The following ATG7 variants were observed in gnomAD, a reference collection of about 807,000 sequenced individuals.
ATG7 encodes autophagy related 7.
In ATG7, 70 loss-of-function variants were observed where a neutral mutation model predicts 82.4. The ratio of observed to expected loss-of-function variants is 0.85; its 90% confidence interval spans 0.70 to 1.04. The LOEUF (loss-of-function observed/expected upper bound fraction) is 1.04. Among genes scored for constraint, ATG7 ranks in the 50% least tolerant of loss-of-function variants. ATG7 has a pLI of 0.00. For missense variants in ATG7, 792 were observed against 864.3 expected, an observed-to-expected ratio of 0.92 and a Z score of 1.05; for synonymous variants, 287 against 313.0, an observed-to-expected ratio of 0.92 and a Z score of 0.88.
In ATG7 at chr3:11,333,105, G is replaced by A; in HGVS notation, c.889+12G>A. 6.5e-7 allele frequency: 1 copy of A among 1,542,958 alleles called. No individual in the cohort carries two copies. The highest frequency in any genetic ancestry group is 1.4e-5 in the African/African-American group (1 of 71,000). The stretch of plus-strand genomic sequence containing the variant: ...GGCATTTAGCCCAGGTAATTTGCCG[G>A]TCTTTGAAAATGCATATAATTATCA... On this transcript the variant is annotated intron_variant, in intron 11 of 20. Coordinates refer to ENST00000693202, the MANE Select transcript of ATG7 (RefSeq NM_001349232.2).
downstream of ATG7, among the ~76,000 whole-genome samples, chr3:11,559,819 A>G (rs2072807640): frequency 6.6e-6 from 1 of 152,182 alleles, no homozygotes; most frequent in Non-Finnish European, 1.5e-5. Flanking sequence ...TAACGTCCCC[A>G]GAGCCCTTCC....
chr3:11,378,027 A>ATTTTTTTTTTTTTTTTTTTTTTTTT lies in ATG7; in HGVS notation c.1876-1927_1876-1926insTTTTTTTTTTTTTTTTTTTTTTTTT, dbSNP rs61176051. On this transcript the variant is annotated intron_variant, in intron 18 of 20. Transcript: ENST00000693202. Reference sequence around the variant, plus strand: ...GCTATCTAACTTATACCAGTTACCAATTTTTTTTTTTTTTTTTTGAGATGG... The same window carrying ATTTTTTTTTTTTTTTTTTTTTTTTT: ...GCTATCTAACTTATACCAGTTACCAATTTTTTTTTTTTTTTTTTTTTTTTTTTTTTTTTTTTTTTTTTTGAGATGG... Among the ~76,000 whole-genome samples, 63 of 92,722 alleles carry ATTTTTTTTTTTTTTTTTTTTTTTTT rather than the reference A, an allele frequency of 6.8e-4. 10 individuals are homozygous for ATTTTTTTTTTTTTTTTTTTTTTTTT. The highest frequency in any genetic ancestry group is 5.9e-3 in the Middle Eastern group (1 of 170). 60.8% of individuals were successfully genotyped at this position (92,722 alleles called of 152,430 possible).
chr3:11,519,546 T>G (rs868396661), intron 20 of ATG7, among the ~76,000 whole-genome samples: 16 of 61,676 alleles, frequency 2.6e-4, no homozygotes, highest in East Asian at 1.6e-3. Context: ...GGAGTTTTTT[T>G]TTTTTTTTTT....
chr3:11,424,312 AATAAC>A (rs1286386867), intron 19 of ATG7, among the ~76,000 whole-genome samples: 3 of 152,120 alleles, frequency 2.0e-5, no homozygotes, highest in African/African-American at 7.2e-5. Context: ...ATAAATGTTA[AATAAC>A]ATTTGGTTTT....
At chr3:11,485,679 A>C (rs570037996) in intron 20 of ATG7, among the ~76,000 whole-genome samples, 2 of 152,288 alleles carry the variant, frequency 1.3e-5, no homozygotes, top group South Asian at 2.1e-4. Context: ...TTTTAGGTCT[A>C]ACATTTAAGT....
chr3:11,546,909 G>A (rs540524622), intron 20 of ATG7, among the ~76,000 whole-genome samples: 16 of 152,362 alleles, frequency 1.1e-4, no homozygotes, highest in African/African-American at 3.8e-4. Flanking sequence ...ACAGGCTGAT[G>A]CCATCCTCTC....
chr3:11,518,019 T>C (rs891582261), intron 20 of ATG7, among the ~76,000 whole-genome samples: 6 of 152,078 alleles, frequency 3.9e-5, no homozygotes, highest in African/African-American at 1.4e-4. Context: ...GACAATTGAA[T>C]CGATGTTGAA....
chr3:11,296,440 G>A (rs1014070529), intron 3 of ATG7, among the ~76,000 whole-genome samples: 1 of 151,954 alleles, frequency 6.6e-6, no homozygotes, highest in Non-Finnish European at 1.5e-5. Flanking sequence ...CAGCCCCAAC[G>A]AGGGTCCCCT....
chr3:11,315,556 A>G (rs1949282483), intron 9 of ATG7, 63 bp downstream of exon 9: 1 of 1,361,720 alleles, frequency 7.3e-7, no homozygotes, highest in Non-Finnish European at 9.8e-7. Context: ...AGTTCATGTT[A>G]CAAGAGACCA....
intron 20 of ATG7, among the ~76,000 whole-genome samples, chr3:11,448,247 C>G (rs2084768517): frequency 6.6e-6 from 1 of 152,214 alleles, no homozygotes; most frequent in African/African-American, 2.4e-5. Context: ...AGCACAGTGC[C>G]TCCTCCTTTC....
chr3:11,307,754 T>A (rs1947985484), intron 6 of ATG7, among the ~76,000 whole-genome samples: 1 of 152,234 alleles, frequency 6.6e-6, no homozygotes, highest in South Asian at 2.1e-4. Context: ...TTTATCCCAA[T>A]CCTGTCTAAC....
rs1277541668 is a variant in ATG7 at position 11,358,456 on chromosome 3, G to C, written c.1323G>C (p.Gly441=). 1.2e-6 allele frequency: 2 copies of C among 1,613,790 alleles called. No homozygotes were observed. Among genetic ancestry groups the C allele is most frequent in the Non-Finnish European group, 1.7e-6 (2 of 1,179,936 alleles). Residue 441 remains glycine, a synonymous_variant, in exon 15 of 21, where the codon GGG becomes GGC. Transcript: ENST00000693202. ...RGFNMSIPMP[G]HPVNFSSVTL... Reference sequence around the variant, plus strand: ...TCAACATGAGCATACCTATGCCTGGGCATCCAGTGAACTTCTCCAGTGTCA... The same window carrying C: ...TCAACATGAGCATACCTATGCCTGGCCATCCAGTGAACTTCTCCAGTGTCA...
In ATG7 at chr3:11,347,977, G is replaced by A. The variant is rs773870148; in HGVS notation, c.1226G>A (p.Gly409Asp). 3.7e-6 allele frequency: 6 copies of A among 1,614,166 alleles called. No homozygotes were observed. In the African/African-American group the frequency reaches 4.0e-5, roughly 11 times the overall value. Residue 409 changes from glycine (G) to aspartate (D), a missense_variant, in exon 14 of 21, where the codon GGT becomes GAT. Transcript: ENST00000693202. ...PLYEFEDCLG[G>D]GKPKALAAAD... is the part of the protein sequence containing the mutation. The stretch of plus-strand genomic sequence containing the variant: ...TATGAGTTTGAAGATTGCCTAGGGG[G>A]TGGTAAGCCCAAGGCTCTGGCAGCA...
intron 19 of ATG7, among the ~76,000 whole-genome samples, chr3:11,406,908 G>A (rs2080397346): frequency 6.6e-6 from 1 of 152,076 alleles, no homozygotes; most frequent in Non-Finnish European, 1.5e-5. Flanking sequence ...TTTGGTTGGG[G>A]ACACAGAGCC....
chr3:11,548,755 G>T lies in ATG7; in HGVS notation c.2080-6056G>T, dbSNP rs142827864. On this transcript the variant is annotated intron_variant, in intron 20 of 20. Transcript: ENST00000693202. ...TCCAGGTGTGGATGTGCATCAAATG[G>T]TTTAGTCAGCTGGTTCCCCGCTGAG... Among the ~76,000 whole-genome samples, 954 of 152,144 alleles carry T rather than the reference G, an allele frequency of 6.3e-3. 7 individuals carry two copies. The highest frequency in any genetic ancestry group is 0.022 in the African/African-American group (923 of 41,486).
intron 20 of ATG7, among the ~76,000 whole-genome samples, chr3:11,481,417 A>G (rs1330492672): frequency 1.3e-5 from 2 of 152,240 alleles, no homozygotes; most frequent in African/African-American, 2.4e-5. Context: ...TAAGTTTCAC[A>G]TATTTCCCCT....
At chr3:11,459,540 T>C (rs1020237482) in intron 20 of ATG7, among the ~76,000 whole-genome samples, 5 of 151,956 alleles carry the variant, frequency 3.3e-5, no homozygotes, top group African/African-American at 1.2e-4. Flanking sequence ...ACTTAAACTC[T>C]GAGAGCTTCC....
At chr3:11,348,967 A>G (rs1250976842) in intron 14 of ATG7, among the ~76,000 whole-genome samples, 1 of 152,044 alleles carries the variant, frequency 6.6e-6, no homozygotes, top group Non-Finnish European at 1.5e-5. Flanking sequence ...CCAGCTAGAC[A>G]CAGTGCTGAC....
At chr3:11,570,263 G>GC in the ATG7 span, among the ~76,000 whole-genome samples, 3 of 151,858 alleles carry the variant, frequency 2.0e-5, no homozygotes, top group African/African-American at 7.3e-5. Flanking sequence ...TCACCTCGCA[G>GC]CTCCATCCCA....
Sources: gnomAD v4.1 joint callset for allele counts (sites outside exome capture counted in the v4.1 genomes callset) on GRCh38, gnomAD v4.1.1 for gene constraint, MANE v1.5 for transcripts, NCBI Gene and HGNC (gene_info 2026-07-23, HGNC 2026-07-21) for gene names.